GALM: variants seen among roughly 807,000 people sequenced by gnomAD.
GALM encodes aldose 1-epimerase.
A neutral mutation model predicts 37.4 loss-of-function variants in GALM; 43 were observed. The observed-to-expected ratio is 1.15, with a 90% CI of 0.90 to 1.48. GALM has a LOEUF of 1.48. Among genes scored for constraint, GALM ranks in the 40% most tolerant of loss-of-function variants. The pLI, the probability that GALM is intolerant of heterozygous loss-of-function variation, is 0.00. For synonymous variants in GALM, 199 were observed against 170.6 expected, an observed-to-expected ratio of 1.17 and a Z score of -1.30; for missense variants, 456 against 419.1, an observed-to-expected ratio of 1.09 and a Z score of -0.77.
chr2:38,674,212 A>G (rs549948432), intron 1 of GALM, among the ~76,000 whole-genome samples: 1 of 128,992 alleles, frequency 7.8e-6, no homozygotes, highest in Non-Finnish European at 1.6e-5. Flanking sequence ...TTTTTTTTTG[A>G]GACAGTCTCG....
At chr2:38,731,674 C>A in intron 5 of GALM, 61 bp from the exon 6 acceptor site, 1 of 1,334,950 alleles carries the variant, frequency 7.5e-7, no homozygotes, top group Non-Finnish European at 1.1e-6. Flanking sequence ...CGCTTCCCAG[C>A]TTCTACTCCT....
intron 4 of GALM, among the ~76,000 whole-genome samples, chr2:38,700,253 A>G (rs373225120): frequency 1.3e-5 from 2 of 152,256 alleles, no homozygotes; most frequent in South Asian, 4.1e-4. Context: ...CGCTCAGCCT[A>G]AAGTGCAGTT....
chr2:38,669,103 G>A (rs909046112), intron 1 of GALM: 2 of 152,178 alleles, frequency 1.3e-5, no homozygotes, highest in Admixed American at 1.3e-4. Context: ...TTTAGTTACA[G>A]TAAGAGAGGA....
chr2:38,684,525 G>A (rs1314690953), intron 3 of GALM, among the ~76,000 whole-genome samples: 1 of 152,006 alleles, frequency 6.6e-6, no homozygotes, highest in Non-Finnish European at 1.5e-5. Context: ...CAAACAAACA[G>A]GCTGGGTGCG....
chr2:38,733,360 A>G, intron 6 of GALM, 128 bp from the exon 7 acceptor site: 1 of 798,050 alleles, frequency 1.3e-6, no homozygotes, highest in Non-Finnish European at 2.2e-6. Flanking sequence ...TGAACCAATC[A>G]TAAACAGTTC....
chr2:38,726,032 A>C (rs1666478932), intron 4 of GALM, among the ~76,000 whole-genome samples: 1 of 151,620 alleles, frequency 6.6e-6, no homozygotes, highest in African/African-American at 2.4e-5. Context: ...ATATCATGTA[A>C]ACATTGCAGG....
At chr2:38,676,280 A>C (rs1200203496) in intron 2 of GALM, among the ~76,000 whole-genome samples, 2 of 152,154 alleles carry the variant, frequency 1.3e-5, no homozygotes, top group African/African-American at 4.8e-5. Flanking sequence ...CCCCAAGAGA[A>C]AGGATGTCAA....
At position 38,666,250 on chromosome 2, in the gene GALM, G is replaced by A. The variant is rs1391831668; in HGVS notation, c.89G>A (p.Arg30Lys). The A allele has an allele frequency of 3.7e-6, 6 of 1,614,014 alleles. No individual in the cohort carries two copies. Residue 30 changes from arginine (R) to lysine (K), a missense_variant, in exon 1 of 7, where the codon AGA (arginine) becomes AAA (lysine). Arg to Lys is a conservative substitution (Grantham distance 26). Transcript: ENST00000272252. ...EKFQLQSDLLRVDIISWGCTI... is the reference protein window; with the variant it reads ...EKFQLQSDLLKVDIISWGCTI... ...TTCCAGCTGCAGTCAGACCTCTTGA[G>A]AGTGGACATCATCTCCTGGGGCTGC...
chr2:38,681,129 CAA>C (rs59249528), intron 2 of GALM, 149 bp from the exon 3 acceptor site: 8,225 of 593,678 alleles, frequency 0.014, 170 homozygotes, highest in African/African-American at 0.097. Context: ...GACCCTGTCT[CAA>C]AAAAAAAAAA....
In GALM at chr2:38,689,808, C is replaced by G; in HGVS notation, c.553-5C>G. On this transcript the variant is annotated splice_polypyrimidine_tract_variant and splice_region_variant and intron_variant, in intron 3 of 6. Transcript: ENST00000272252. ...GAAAACCTTTCCCCTACCTTTTCCT[C>G]CCAGGCTTCCCCAAATATAAATGAC... The G allele has an allele frequency of 1.1e-5, 18 of 1,579,228 alleles. No homozygotes were observed. Among genetic ancestry groups the G allele is most frequent in the Non-Finnish European group, 1.6e-5 (18 of 1,153,794 alleles).
At chr2:38,732,219 C>G (rs1002885477) in intron 6 of GALM, among the ~76,000 whole-genome samples, 4 of 152,008 alleles carry the variant, frequency 2.6e-5, no homozygotes, top group African/African-American at 9.7e-5. Context: ...ACCATGCCTG[C>G]TTAATTTTTG....
intron 1 of GALM, among the ~76,000 whole-genome samples, chr2:38,670,254 T>C (rs1395654228): frequency 6.6e-6 from 1 of 152,216 alleles, no homozygotes; most frequent in Admixed American, 6.5e-5. Context: ...AAGCCACAGG[T>C]ATAAACAACC....
At chr2:38,693,735 T>A (rs1464309474) in intron 4 of GALM, among the ~76,000 whole-genome samples, 1 of 152,182 alleles carries the variant, frequency 6.6e-6, no homozygotes, top group Non-Finnish European at 1.5e-5. Flanking sequence ...ATTTAACAGA[T>A]GTGAAAACTA....
intron 4 of GALM, among the ~76,000 whole-genome samples, chr2:38,703,263 A>G (rs1043668282): frequency 3.3e-5 from 5 of 149,648 alleles, no homozygotes; most frequent in African/African-American, 1.2e-4. Context: ...ATGCACCACC[A>G]TGCCTGGCTA....
chr2:38,667,576 CAGAG>C (rs1664981079), intron 1 of GALM, among the ~76,000 whole-genome samples: 1 of 149,054 alleles, frequency 6.7e-6, no homozygotes, highest in Admixed American at 6.7e-5. Context: ...TCTTAAAAAA[CAGAG>C]AGCAAATTTC....
At chr2:38,691,241 C>G (rs549498566) in intron 4 of GALM, among the ~76,000 whole-genome samples, 63 of 152,264 alleles carry the variant, frequency 4.1e-4, no homozygotes, top group Non-Finnish European at 6.2e-4. Flanking sequence ...TCATGCTATC[C>G]GGTTGAGTTG....
At chr2:38,725,547 C>T (rs1233834882) in intron 4 of GALM, among the ~76,000 whole-genome samples, 1 of 141,162 alleles carries the variant, frequency 7.1e-6, no homozygotes, top group Non-Finnish European at 1.5e-5. Flanking sequence ...TAAACACACA[C>T]ATACACACAC....
In GALM at chr2:38,666,144, A is replaced by G. The variant is rs749737364; in HGVS notation, c.-18A>G. 3 of 1,602,122 alleles carry G rather than the reference A, an allele frequency of 1.9e-6. No homozygotes were observed. Among genetic ancestry groups the G allele is most frequent in the South Asian group, 2.2e-5 (2 of 89,388 alleles). ...AGTTTGAAGAGCGGGCAGTGGCTGCACACGCCAAACTTTCCCTATGGCTTC... is the reference window on the plus strand; with the variant it reads ...AGTTTGAAGAGCGGGCAGTGGCTGCGCACGCCAAACTTTCCCTATGGCTTC... On this transcript the variant is annotated 5_prime_UTR_variant, in exon 1 of 7. Coordinates refer to ENST00000272252, the MANE Select transcript of GALM (RefSeq NM_138801.3).
intron 6 of GALM, 66 bp downstream of exon 6, chr2:38,731,975 A>C: frequency 1.6e-6 from 2 of 1,259,760 alleles, no homozygotes; most frequent in Non-Finnish European, 2.3e-6. Flanking sequence ...GACAGAGTTC[A>C]CTACACTCGA....
Sources: gnomAD v4.1 joint callset for allele counts (sites outside exome capture counted in the v4.1 genomes callset) on GRCh38, gnomAD v4.1.1 for gene constraint, MANE v1.5 for transcripts, NCBI Gene and HGNC (gene_info 2026-07-23, HGNC 2026-07-21) for gene names.